Variants in PVT1 observed in about 807,000 individuals in gnomAD.
PVT1 encodes the protein CXCR4/PVT1 fusion.
chr8:128,004,621 A>G (rs1245684427), intron 4 of PVT1, among the ~76,000 whole-genome samples: 1 of 152,210 alleles, frequency 6.6e-6, no homozygotes, highest in African/African-American at 2.4e-5. Context: ...TTAGGACAAC[A>G]GTGGTCCTGC....
intron 3 of PVT1, among the ~76,000 whole-genome samples, chr8:127,928,689 C>G (rs1244099497): frequency 6.6e-6 from 1 of 152,238 alleles, no homozygotes; most frequent in African/African-American, 2.4e-5. Flanking sequence ...CCATCTCTCT[C>G]TGGCCCTCCT....
chr8:128,021,290 CTTTTTTTTT>C (rs11438511), intron 4 of PVT1, among the ~76,000 whole-genome samples: 1 of 81,138 alleles, frequency 1.2e-5, no homozygotes, highest in African/African-American at 4.8e-5. Flanking sequence ...AGGACTTGTG[CTTTTTTTTT>C]TTTTTTTTTT....
intron 2 of PVT1, among the ~76,000 whole-genome samples, chr8:127,874,438 G>A (rs1815383544): frequency 6.6e-6 from 1 of 152,192 alleles, no homozygotes; most frequent in Admixed American, 6.5e-5. Context: ...CCAGAGATCA[G>A]GGATGGTTGC....
At chr8:128,024,157 G>T (rs1817467905) in intron 4 of PVT1, among the ~76,000 whole-genome samples, 1 of 152,196 alleles carries the variant, frequency 6.6e-6, no homozygotes, top group Admixed American at 6.5e-5. Flanking sequence ...AAGCTCCTCA[G>T]TTTATCAATG....
chr8:127,951,117 C>T (rs550815822), intron 3 of PVT1, among the ~76,000 whole-genome samples: 2 of 152,094 alleles, frequency 1.3e-5, no homozygotes, highest in Non-Finnish European at 2.9e-5. Flanking sequence ...AGACTGGTCT[C>T]GAACTCTTGA....
rs1814143137 is a variant in PVT1, at chr8:128,079,342, TGA to T, written n.1114+8983_1114+8984del. ...AGCAGTTGTAGGCTTACAAAAATAT[TGA>T]GTCAAAAGTATAGAATTCCCATATA... On this transcript the variant is annotated intron_variant and non_coding_transcript_variant, in intron 5 of 10. Transcript: ENST00000651587. Among the ~76,000 whole-genome samples the T allele has an allele frequency of 3.3e-5, 5 of 152,340 alleles. No individual in the cohort carries two copies. The South Asian group carries it at 1.0e-3, about 32-fold the overall frequency.
At chr8:128,056,396 C>A (rs1813762831) in intron 4 of PVT1, among the ~76,000 whole-genome samples, 2 of 152,170 alleles carry the variant, frequency 1.3e-5, no homozygotes, top group Non-Finnish European at 2.9e-5. Flanking sequence ...TGCGTATACA[C>A]CTACATATGT....
intron 5 of PVT1, among the ~76,000 whole-genome samples, chr8:128,090,463 G>A (rs1814336591): frequency 1.3e-5 from 2 of 152,288 alleles, no homozygotes; most frequent in South Asian, 4.2e-4. Flanking sequence ...TGACTTTGAT[G>A]GGGGGCTAAG....
chr8:127,995,882 C>G (rs1159473123), intron 4 of PVT1, among the ~76,000 whole-genome samples: 1 of 146,234 alleles, frequency 6.8e-6, no homozygotes, highest in East Asian at 2.0e-4. Context: ...GTGCTCTGGG[C>G]TTTTGCATAA....
chr8:128,081,819 G>A (rs1285392923), intron 5 of PVT1, among the ~76,000 whole-genome samples: 1 of 152,080 alleles, frequency 6.6e-6, no homozygotes, highest in Non-Finnish European at 1.5e-5. Flanking sequence ...TGGCCAAACG[G>A]CATTTTAACT....
intron 3 of PVT1, among the ~76,000 whole-genome samples, chr8:127,971,832 T>C (rs991452234): frequency 6.6e-6 from 1 of 152,124 alleles, no homozygotes; most frequent in African/African-American, 2.4e-5. Context: ...CGGGCTGTTA[T>C]TATCGAGGCT....
At chr8:127,973,216 T>C (rs1816783334) in intron 3 of PVT1, among the ~76,000 whole-genome samples, 1 of 152,110 alleles carries the variant, frequency 6.6e-6, no homozygotes, top group Admixed American at 6.6e-5. Flanking sequence ...ATTTAGTCAT[T>C]TACCTGTGTG....
chr8:128,063,839 A>T (rs961812716), intron 4 of PVT1, among the ~76,000 whole-genome samples: 1 of 152,212 alleles, frequency 6.6e-6, no homozygotes, highest in African/African-American at 2.4e-5. Context: ...AAGAGAGTGG[A>T]TGTAAAGTGT....
rs576455106 is a variant in PVT1, at chr8:128,100,178, C to T, written n.1251+3524C>T. On this transcript the variant is annotated intron_variant and non_coding_transcript_variant, in intron 6 of 10. Transcript: ENST00000651587. ...TCCTTCCTTCTTTCCTCCCTCCCTT[C>T]CTTCCCTCCTTCCCGAAACAAATGC... Among the ~76,000 whole-genome samples, 95 of 150,124 alleles carry T rather than the reference C, an allele frequency of 6.3e-4. 1 individual carries two copies. Among genetic ancestry groups the T allele is most frequent in the African/African-American group, 2.3e-3 (95 of 40,828 alleles).
In PVT1 at chr8:127,958,637, G is replaced by T. The variant is rs141148556; in HGVS notation, n.783-30525G>T. ...GAAACTGAGGCTCAGAGAGGAGAAA[G>T]TCAGGCGCCAGAGGTAGATGAGAGC... On this transcript the variant is annotated intron_variant and non_coding_transcript_variant, in intron 3 of 10. Coordinates refer to ENST00000651587, the Ensembl canonical transcript of PVT1. 1.8e-3 allele frequency among the ~76,000 whole-genome samples: 271 copies of T among 152,300 alleles called. 1 individual carries two copies. Among genetic ancestry groups the T allele is most frequent in the Middle Eastern group, 6.8e-3 (2 of 292 alleles).
At chr8:127,977,282 C>T (rs998940506) in intron 3 of PVT1, among the ~76,000 whole-genome samples, 42 of 152,220 alleles carry the variant, frequency 2.8e-4, no homozygotes, top group African/African-American at 9.9e-4. Context: ...GTGTACATTT[C>T]CTGGGGGGAA....
chr8:128,048,657 C>G (rs1201205752), intron 4 of PVT1: 1 of 152,358 alleles, frequency 6.6e-6, no homozygotes, highest in Non-Finnish European at 1.5e-5. Context: ...GCATGGCTGC[C>G]TGTGTGACCT....
intron 4 of PVT1, among the ~76,000 whole-genome samples, chr8:128,047,969 C>T (rs1334764656): frequency 1.3e-5 from 2 of 152,174 alleles, no homozygotes; most frequent in African/African-American, 4.8e-5. Context: ...TACCAAAGAG[C>T]AAAGTCAACC....
At chr8:127,877,501 C>T (rs530526972) in intron 2 of PVT1, among the ~76,000 whole-genome samples, 36 of 152,256 alleles carry the variant, frequency 2.4e-4, no homozygotes, top group Non-Finnish European at 5.0e-4. Flanking sequence ...AACTTAGATT[C>T]CTCTCAGGGG....
Sources: allele counts gnomAD v4.1 joint callset (sites outside exome capture counted in the v4.1 genomes callset), GRCh38; gene constraint gnomAD v4.1.1; transcripts MANE v1.5; gene names NCBI Gene and HGNC (gene_info 2026-07-23, HGNC 2026-07-21).